NRDC: variants seen among roughly 807,000 people sequenced by gnomAD.
NRDC encodes the protein nardilysin.
A neutral mutation model predicts 147.1 loss-of-function variants in NRDC; 54 were observed. The observed-to-expected ratio is 0.37, with a 90% CI of 0.29 to 0.46. The LOEUF (loss-of-function observed/expected upper bound fraction) is 0.46, where lower values mean the gene tolerates loss of function less well. NRDC is among the 20% of genes least tolerant of loss of function. The pLI is 1.00. For synonymous variants in NRDC, 440 were observed against 482.1 expected (o/e 0.91, Z 1.14); for missense variants, 1,082 against 1,370.6 (o/e 0.79, Z 3.33).
At chr1:51,845,569 G>A (rs951015361) in intron 1 of NRDC, among the ~76,000 whole-genome samples, 1 of 152,108 alleles carries the variant, frequency 6.6e-6, no homozygotes, top group Non-Finnish European at 1.5e-5. Flanking sequence ...CTCCAGCCTG[G>A]GCGACAGAGC....
chr1:51,857,037 G>T (rs1682283986), intron 1 of NRDC, among the ~76,000 whole-genome samples: 1 of 152,158 alleles, frequency 6.6e-6, no homozygotes, highest in South Asian at 2.1e-4. Flanking sequence ...ACTTTAACAA[G>T]GGCTATGGGA....
In NRDC at chr1:51,789,375, G is replaced by C; in HGVS notation, c.3317C>G (p.Ser1106Ter). ...CTGCATCACTTCACAAGAAGAATTT[G>C]AATCCTCACTAGAAGGGGTACCATC... ...EEDGTPSSED[S>*]NSSCEVMQLT... The change falls in exon 31 of 31, where the codon TCA (serine) becomes TGA (stop). Residue 1106 changes from serine to a stop codon, truncating the protein, a stop_gained. Coordinates refer to ENST00000352171, the MANE Select transcript of NRDC (RefSeq NM_001101662.2). LOFTEE classifies it high-confidence loss of function. 2 of 1,614,128 alleles carry C rather than the reference G, an allele frequency of 1.2e-6. No individual in the cohort carries two copies. Among genetic ancestry groups the C allele is most frequent in the Non-Finnish European group, 1.7e-6 (2 of 1,179,992 alleles).
intron 5 of NRDC, 38 bp downstream of exon 5, chr1:51,827,758 G>A: frequency 2.6e-6 from 4 of 1,526,900 alleles, no homozygotes; most frequent in Non-Finnish European, 3.6e-6. Context: ...GTTTCATGAA[G>A]GAAAAAACTG....
chr1:51,818,773 T>C (rs1482328087), intron 9 of NRDC, among the ~76,000 whole-genome samples: 2 of 151,736 alleles, frequency 1.3e-5, no homozygotes, highest in Admixed American at 6.6e-5. Context: ...CTAAGGCAAT[T>C]AGTAAAAACA....
intron 1 of NRDC, among the ~76,000 whole-genome samples, chr1:51,845,933 A>AAT (rs375832493): frequency 6.8e-4 from 103 of 152,232 alleles, no homozygotes; most frequent in African/African-American, 2.3e-3. Context: ...AATGAAACAA[A>AAT]ATGAGACAAA....
chr1:51,827,980 G>A (rs1387932509), intron 4 of NRDC, 111 bp from the exon 5 acceptor site: 1 of 788,138 alleles, frequency 1.3e-6, no homozygotes, highest in African/African-American at 1.7e-5. Flanking sequence ...ACAATCCTAA[G>A]TATATAAAAT....
chr1:51,845,792 C>T (rs1269717680), intron 1 of NRDC, among the ~76,000 whole-genome samples: 1 of 152,060 alleles, frequency 6.6e-6, no homozygotes, highest in Non-Finnish European at 1.5e-5. Flanking sequence ...CTTTTCTTTC[C>T]TTCACAGCTA....
rs41293255 is a variant in NRDC, at chr1:51,806,906, G to A, written c.1998C>T (p.Asp666=). ...GGCAATCGAAAGCCTTCAACGTAAAGTCCGTGGCTAATAAAAGAAGATAAT... is the reference window on the plus strand; with the variant it reads ...GGCAATCGAAAGCCTTCAACGTAAAATCCGTGGCTAATAAAAGAAGATAAT... ...LPAENKYIAT[D]FTLKAFDCPE... Residue 666 remains aspartate (D), a synonymous_variant, in exon 18 of 31, where the codon GAC becomes GAT. Transcript: ENST00000352171. 1.1e-3 allele frequency: 1,774 copies of A among 1,612,538 alleles called. 2 individuals are homozygous for A. Among genetic ancestry groups the A allele is most frequent in the Non-Finnish European group, 1.3e-3 (1,567 of 1,179,538 alleles).
At chr1:51,846,605 G>T (rs147279495) in intron 1 of NRDC, among the ~76,000 whole-genome samples, 1 of 152,198 alleles carries the variant, frequency 6.6e-6, no homozygotes, top group African/African-American at 2.4e-5. Context: ...CTGTGGGTTC[G>T]TACTCTCGCT....
At position 51,830,343 on chromosome 1, in the gene NRDC, T is replaced by C. The variant is rs537855432; in HGVS notation, c.867-2474A>G. ...CCAGTACTTGAGATGTCTCAGAATC[T>C]GTTTGTGTTATCTGTTCTCAATCAT... is the stretch of plus-strand genomic sequence containing the variant. On this transcript the variant is annotated intron_variant, in intron 4 of 30. Transcript: ENST00000352171. Among the ~76,000 whole-genome samples, 4 of 152,346 alleles carry C rather than the reference T, an allele frequency of 2.6e-5. No homozygotes were observed. In the South Asian group the frequency reaches 8.3e-4, roughly 32 times the overall value.
intron 1 of NRDC, chr1:51,859,927 G>A (rs565876851): frequency 3.5e-5 from 6 of 172,974 alleles, no homozygotes; most frequent in Non-Finnish European, 8.0e-5. Flanking sequence ...GAGACAGAAG[G>A]GGAGGGGTTA....
intron 1 of NRDC, among the ~76,000 whole-genome samples, chr1:51,854,393 T>C (rs989889346): frequency 2.6e-5 from 4 of 152,006 alleles, no homozygotes; most frequent in African/African-American, 9.7e-5. Context: ...AGAAACTTAA[T>C]ATCCTCATAT....
At chr1:51,853,201 GA>G (rs1682064302) in intron 1 of NRDC, among the ~76,000 whole-genome samples, 1 of 151,278 alleles carries the variant, frequency 6.6e-6, no homozygotes, top group Admixed American at 6.6e-5. Flanking sequence ...CTGGGTGACA[GA>G]GGGAGACTGT....
chr1:51,824,884 C>T (rs981456791), intron 6 of NRDC, among the ~76,000 whole-genome samples: 1 of 152,108 alleles, frequency 6.6e-6, no homozygotes, highest in Non-Finnish European at 1.5e-5. Context: ...TTGAACTGGT[C>T]TCAAGTGATT....
At chr1:51,819,965 C>A in intron 8 of NRDC, 92 bp from the exon 9 acceptor site, 1 of 952,246 alleles carries the variant, frequency 1.1e-6, no homozygotes, top group Non-Finnish European at 1.6e-6. Context: ...TATTTATAAT[C>A]TATTCTACAT....
chr1:51,789,643 C>T lies in NRDC; in HGVS notation c.3183G>A (p.Lys1061=). The T allele has an allele frequency of 1.2e-6, 2 of 1,612,300 alleles. No homozygotes were observed. Among genetic ancestry groups the T allele is most frequent in the Non-Finnish European group, 1.7e-6 (2 of 1,178,418 alleles). ...TGACCAGGTCTGATTTTGAGAATGACTTCAGTGCTTCAATCTTACAAGGGA... is the reference window on the plus strand; with the variant it reads ...TGACCAGGTCTGATTTTGAGAATGATTTCAGTGCTTCAATCTTACAAGGGA... ...DRLAHEIEAL[K]SFSKSDLVNW... Residue 1061 remains lysine, a synonymous_variant, in exon 30 of 31, where the codon AAG becomes AAA. Coordinates refer to ENST00000352171, the MANE Select transcript of NRDC (RefSeq NM_001101662.2).
At chr1:51,847,323 G>A (rs1681689537) in intron 1 of NRDC, among the ~76,000 whole-genome samples, 2 of 152,232 alleles carry the variant, frequency 1.3e-5, no homozygotes. Flanking sequence ...TCACCCAGTG[G>A]ATCCAGCACC....
chr1:51,824,735 A>G (rs1485113732), intron 6 of NRDC, among the ~76,000 whole-genome samples: 1 of 152,254 alleles, frequency 6.6e-6, no homozygotes, highest in Non-Finnish European at 1.5e-5. Context: ...GCTGAGGTAG[A>G]GCACAGACTT....
At chr1:51,807,029 C>A in intron 17 of NRDC, 116 bp from the exon 18 acceptor site, 3 of 1,255,212 alleles carry the variant, frequency 2.4e-6, no homozygotes, top group Non-Finnish European at 2.1e-6. Context: ...AAGCCAAATT[C>A]AAATGTTGGA....
Sources: allele counts gnomAD v4.1 joint callset (sites outside exome capture counted in the v4.1 genomes callset), GRCh38; gene constraint gnomAD v4.1.1; transcripts MANE v1.5; gene names NCBI Gene and HGNC (gene_info 2026-07-23, HGNC 2026-07-21).